The following ATP7A variants were observed in gnomAD, a reference collection of about 807,000 sequenced individuals.
The protein encoded by ATP7A is copper-transporting ATPase 1.
ATP7A carries 7 observed loss-of-function variants against 83.5 expected under a neutral mutation model. The observed-to-expected ratio is 0.08, with a 90% CI of 0.05 to 0.16. The LOEUF (loss-of-function observed/expected upper bound fraction) is 0.16. Among genes scored for constraint, ATP7A ranks in the 10% least tolerant of loss-of-function variants. The pLI is 1.00. For missense variants in ATP7A, 940 were observed against 1,120.8 expected, an observed-to-expected ratio of 0.84 and a Z score of 2.30; for synonymous variants, 354 against 395.2, an observed-to-expected ratio of 0.90 and a Z score of 1.24.
At chrX:77,948,762 G>T (rs2077397945) in intron 1 of ATP7A, among the ~76,000 whole-genome samples, 1 of 111,684 alleles carries the variant, frequency 9.0e-6, no homozygotes. Flanking sequence ...ATGGAAACAT[G>T]GTAGAAACTC....
chrX:77,941,036 G>A (rs979153998), intron 1 of ATP7A, among the ~76,000 whole-genome samples: 2 of 111,687 alleles, frequency 1.8e-5, no homozygotes, highest in Non-Finnish European at 3.8e-5. Context: ...AAATAAATAA[G>A]TACTATTTAT....
chrX:78,011,388 A>C (rs1228459973), intron 8 of ATP7A, 61 bp from the exon 9 acceptor site: 3 of 1,074,878 alleles, frequency 2.8e-6, no homozygotes, highest in East Asian at 3.0e-5. Context: ...TAGTATGTAG[A>C]ATCTTTACCC....
Position 77,988,536 on chromosome X carries a change from A to T in ATP7A, c.415A>T (p.Ile139Leu), listed in dbSNP as rs1557231629. The change falls in exon 3 of 23, where the codon ATA becomes TTA. Residue 139 changes from isoleucine to leucine, a missense_variant. By Grantham distance (5) the Ile-to-Leu change is conservative. Coordinates refer to ENST00000341514, the MANE Select transcript of ATP7A (RefSeq NM_000052.7). ...CCCTTCTATAGTGAATGCCAATCAGATAAAAGAGCTGGTTCCAGAACTCAG... is the reference window on the plus strand; with the variant it reads ...CCCTTCTATAGTGAATGCCAATCAGTTAAAAGAGCTGGTTCCAGAACTCAG... ...IIPSIVNANQ[I>L]KELVPELSLD... 11 of 1,209,775 alleles carry T rather than the reference A, an allele frequency of 9.1e-6. No homozygotes were observed. In the South Asian group the frequency reaches 1.8e-4, roughly 19 times the overall value.
chrX:77,971,493 T>G, intron 1 of ATP7A, 128 bp from the exon 2 acceptor site: 1 of 694,611 alleles, frequency 1.4e-6, no homozygotes, highest in Non-Finnish European at 2.2e-6. Context: ...ACTAGCACAT[T>G]TTAATTTTTT....
intron 1 of ATP7A, chrX:77,962,695 G>C: frequency 2.6e-6 from 1 of 385,465 alleles, no homozygotes; most frequent in Non-Finnish European, 5.2e-6. Flanking sequence ...AGCAGCAGCG[G>C]AACAGTAGAC....
chrX:77,920,382 A>AT (rs1427353056), intron 1 of ATP7A, among the ~76,000 whole-genome samples: 2 of 108,832 alleles, frequency 1.8e-5, no homozygotes, highest in South Asian at 4.0e-4. Flanking sequence ...CGCCTGGCTA[A>AT]TTTTTTTTGT....
intron 1 of ATP7A, among the ~76,000 whole-genome samples, chrX:77,958,183 A>G (rs782674488): frequency 6.2e-4 from 69 of 111,253 alleles, no homozygotes; most frequent in Non-Finnish European, 1.1e-3. Context: ...TTCTCTTGCC[A>G]TGTGACATGC....
At chrX:77,941,740 AT>A (rs782407036) in intron 1 of ATP7A, among the ~76,000 whole-genome samples, 1 of 111,178 alleles carries the variant, frequency 9.0e-6, no homozygotes, top group Non-Finnish European at 1.9e-5. Flanking sequence ...ATTCTTTTCC[AT>A]TTTTTTTCCC....
intron 14 of ATP7A, among the ~76,000 whole-genome samples, chrX:78,027,150 C>CA (rs782776380): frequency 0.016 from 1,143 of 69,918 alleles, 9 homozygotes; most frequent in African/African-American, 0.042. Flanking sequence ...AACTCCGTCT[C>CA]AAAAAAAAAA....
intron 15 of ATP7A, among the ~76,000 whole-genome samples, chrX:78,029,990 TA>T (rs1377526339): frequency 8.9e-6 from 1 of 112,434 alleles, no homozygotes; most frequent in Non-Finnish European, 1.9e-5. Context: ...ATGTTCTTAT[TA>T]TGAGGATGTA....
At chrX:77,986,790 G>A (rs2077639329) in intron 2 of ATP7A, among the ~76,000 whole-genome samples, 1 of 111,622 alleles carries the variant, frequency 9.0e-6, no homozygotes, top group African/African-American at 3.3e-5. Context: ...CCTCCTAGCT[G>A]ATAGTCCTCC....
chrX:78,029,149 A>G, intron 14 of ATP7A, 101 bp from the exon 15 acceptor site: 2 of 907,972 alleles, frequency 2.2e-6, no homozygotes, highest in Non-Finnish European at 3.2e-6. Flanking sequence ...AGGATATGTC[A>G]CTTTTTAAAT....
intron 14 of ATP7A, among the ~76,000 whole-genome samples, chrX:78,022,964 C>A (rs1161004964): frequency 9.0e-6 from 1 of 111,338 alleles, no homozygotes; most frequent in African/African-American, 3.3e-5. Flanking sequence ...CTTTTGGAGG[C>A]CCCACTGCTC....
At chrX:77,988,915 T>C (rs958883310) in intron 3 of ATP7A, among the ~76,000 whole-genome samples, 184 bp downstream of exon 3, 1 of 111,453 alleles carries the variant, frequency 9.0e-6, no homozygotes, top group African/African-American at 3.3e-5. Flanking sequence ...ACATAAACCT[T>C]GAACTGAAGA....
At chrX:77,914,606 G>T (rs1239835899) in intron 1 of ATP7A, among the ~76,000 whole-genome samples, 1 of 110,383 alleles carries the variant, frequency 9.1e-6, no homozygotes, top group Non-Finnish European at 1.9e-5. Context: ...TGCCATGTTG[G>T]TCAGGCTGGT....
intron 1 of ATP7A, among the ~76,000 whole-genome samples, chrX:77,921,912 A>G (rs1404623288): frequency 1.8e-5 from 2 of 110,348 alleles, no homozygotes; most frequent in Non-Finnish European, 3.8e-5. Context: ...CCTCAAAAAA[A>G]TAAAAATAAA....
intron 4 of ATP7A, among the ~76,000 whole-genome samples, chrX:77,995,434 G>C (rs782381865): frequency 9.2e-6 from 1 of 108,349 alleles, no homozygotes; most frequent in Non-Finnish European, 1.9e-5. Context: ...CGGGCGTGGT[G>C]GTGGGCGCCT....
intron 2 of ATP7A, among the ~76,000 whole-genome samples, chrX:77,987,391 A>G (rs961632694): frequency 9.2e-6 from 1 of 109,184 alleles, no homozygotes; most frequent in Non-Finnish European, 1.9e-5. Flanking sequence ...TGGTTAGCTA[A>G]TAAGTGGAGA....
intron 6 of ATP7A, among the ~76,000 whole-genome samples, chrX:78,005,354 C>G (rs1312196208): frequency 4.5e-5 from 5 of 110,506 alleles, no homozygotes; most frequent in Non-Finnish European, 9.5e-5. Context: ...CTTCATCTAG[C>G]TTTTCCCAAT....
Sources: gnomAD v4.1 joint callset for allele counts (sites outside exome capture counted in the v4.1 genomes callset) on GRCh38, gnomAD v4.1.1 for gene constraint, MANE v1.5 for transcripts, NCBI Gene and HGNC (gene_info 2026-07-23, HGNC 2026-07-21) for gene names.